The following ROCK1 variants were observed in gnomAD, a reference collection of about 807,000 sequenced individuals.
ROCK1 encodes the protein rho-associated protein kinase 1.
In ROCK1, 36 loss-of-function variants were observed where a neutral mutation model predicts 196.8. The observed-to-expected ratio is 0.18, with a 90% confidence interval of 0.14 to 0.24. The LOEUF (loss-of-function observed/expected upper bound fraction) is 0.24. Ranked by LOEUF, ROCK1 falls within the 10% of genes least tolerant of loss-of-function variation. The pLI, the probability that ROCK1 is intolerant of heterozygous loss-of-function variation, is 1.00. For synonymous variants in ROCK1, 443 were observed against 515.9 expected, an observed-to-expected ratio of 0.86 and a Z score of 1.91; for missense variants, 920 against 1,562.0, an observed-to-expected ratio of 0.59 and a Z score of 6.93.
intron 10 of ROCK1, among the ~76,000 whole-genome samples, chr18:21,028,039 G>A (rs1387692621): frequency 6.7e-6 from 1 of 148,550 alleles, no homozygotes; most frequent in East Asian, 2.0e-4. Flanking sequence ...GGGATTACAG[G>A]CGTGAGCCAC....
Position 21,110,970 on chromosome 18 carries a change from C to G in ROCK1, c.-60G>C. On this transcript the variant is annotated 5_prime_UTR_variant, in exon 1 of 33. Transcript: ENST00000399799. Reference sequence around the variant, plus strand: ...ACCAGCAGCGGAAAGCAATTTCAACCAACTTCCTCCGCGGTGGGTTCGCAG... The same window carrying G: ...ACCAGCAGCGGAAAGCAATTTCAACGAACTTCCTCCGCGGTGGGTTCGCAG... 1 of 1,414,138 alleles carries G rather than the reference C, an allele frequency of 7.1e-7. No homozygotes were observed. The highest frequency in any genetic ancestry group is 1.0e-6 in the Non-Finnish European group (1 of 1,000,990). 87.6% of individuals were successfully genotyped at this position (1,414,138 alleles called of 1,614,324 possible).
At chr18:21,025,326 T>C (rs955512831) in intron 10 of ROCK1, among the ~76,000 whole-genome samples, 1 of 152,224 alleles carries the variant, frequency 6.6e-6, no homozygotes, top group Non-Finnish European at 1.5e-5. Context: ...CCCTTGGTAT[T>C]AAAAGTATAT....
At chr18:20,970,218 G>T in intron 23 of ROCK1, 130 bp downstream of exon 23, 1 of 621,762 alleles carries the variant, frequency 1.6e-6, no homozygotes, top group Non-Finnish European at 2.7e-6. Context: ...TTATACATGA[G>T]TACAGAATGA....
At chr18:21,019,014 A>C (rs1244085466) in intron 12 of ROCK1, among the ~76,000 whole-genome samples, 1 of 152,220 alleles carries the variant, frequency 6.6e-6, no homozygotes, top group Non-Finnish European at 1.5e-5. Flanking sequence ...AATTAGACCC[A>C]CAGAAAAAGA....
chr18:21,077,128 C>T (rs1259679301), intron 1 of ROCK1, among the ~76,000 whole-genome samples: 6 of 151,754 alleles, frequency 4.0e-5, no homozygotes, highest in East Asian at 1.9e-4. Context: ...CGCCCACCAC[C>T]GCGCCCGGCT....
At chr18:21,021,539 A>G (rs953681357) in intron 11 of ROCK1, among the ~76,000 whole-genome samples, 1 of 152,248 alleles carries the variant, frequency 6.6e-6, no homozygotes, top group African/African-American at 2.4e-5. Context: ...TGTCAAATAC[A>G]GCAAAGAAGA....
chr18:21,100,058 C>T (rs188234137), intron 1 of ROCK1, among the ~76,000 whole-genome samples: 84 of 151,010 alleles, frequency 5.6e-4, no homozygotes, highest in South Asian at 4.0e-3. Context: ...AAAACCCAAA[C>T]CAACCAAAAA....
chr18:21,079,014 T>C (rs1015266427), intron 1 of ROCK1, among the ~76,000 whole-genome samples: 5 of 152,178 alleles, frequency 3.3e-5, no homozygotes, highest in African/African-American at 1.2e-4. Flanking sequence ...GTGTGCTTTA[T>C]TAGTGCCCCT....
At chr18:21,049,933 CACT>C in intron 2 of ROCK1, 53 bp from the exon 3 acceptor site, 1 of 885,960 alleles carries the variant, frequency 1.1e-6, no homozygotes. Context: ...TTACAACTAG[CACT>C]ACTTATTTTA....
rs2035293653 is a variant in ROCK1, at chr18:20,959,109, A to ATATTT, written c.3512+730_3512+731insAAATA. The stretch of plus-strand genomic sequence containing the variant: ...ATTTTATATAATATATATATTATAT[A>ATATTT]TATATTATATAATATATATATTATA... On this transcript the variant is annotated intron_variant, in intron 29 of 32. Coordinates refer to ENST00000399799, the MANE Select transcript of ROCK1 (RefSeq NM_005406.3). Among the ~76,000 whole-genome samples, 29 of 51,364 alleles carry ATATTT rather than the reference A, an allele frequency of 5.6e-4. 2 individuals carry two copies. Among genetic ancestry groups the ATATTT allele is most frequent in the African/African-American group, 3.6e-3 (29 of 8,138 alleles). 33.7% of individuals were successfully genotyped at this position (51,364 alleles called of 152,430 possible).
intron 12 of ROCK1, among the ~76,000 whole-genome samples, chr18:21,018,849 T>C (rs1332169916): frequency 2.0e-5 from 3 of 152,190 alleles, no homozygotes; most frequent in South Asian, 4.1e-4. Context: ...TTGCATTTCA[T>C]TTATTCAATA....
In ROCK1 at chr18:21,049,894, A is replaced by G. The variant is rs1214147389; in HGVS notation, c.176-14T>C. ...TTGTGTCTTTATCTGTATGAAAAGA[A>G]AAGTTTATCATTTTAAATCACTAAA... On this transcript the variant is annotated splice_polypyrimidine_tract_variant and intron_variant, in intron 2 of 32. Transcript: ENST00000399799. 1 of 1,447,780 alleles carries G rather than the reference A, an allele frequency of 6.9e-7. No individual in the cohort carries two copies. 89.7% of individuals were successfully genotyped at this position (1,447,780 alleles called of 1,614,324 possible). A position where few individuals can be genotyped will look rare whatever the true frequency, so the allele number is the denominator to read the frequency against.
chr18:20,984,514 G>T lies in ROCK1; in HGVS notation c.2326C>A (p.Leu776Met), dbSNP rs1407435457. The T allele has an allele frequency of 6.2e-7, 1 of 1,611,554 alleles. No homozygotes were observed. Among genetic ancestry groups the T allele is most frequent in the Non-Finnish European group, 8.5e-7 (1 of 1,179,416 alleles). ...EDEVKNLTLQ[L>M]EQESNKRLLL... is the part of the protein sequence containing the mutation. ...AGCCGCTTATTTGATTCCTGCTCCA[G>T]TTGCAGGGTTAGATTCTTAACCTAT... The change falls in exon 20 of 33, where the codon CTG (leucine) becomes ATG (methionine). Residue 776 changes from leucine (L) to methionine (M), a missense_variant. Physicochemically the swap from Leu to Met is conservative, Grantham distance 15. Around this residue, in one of 6 missense-constraint regions of ROCK1, gnomAD observed 520 missense variants for 657.1 expected, o/e 0.79. Transcript: ENST00000399799.
intron 11 of ROCK1, among the ~76,000 whole-genome samples, chr18:21,022,682 G>C (rs150036806): frequency 3.1e-4 from 47 of 152,212 alleles, no homozygotes; most frequent in African/African-American, 1.1e-3. Flanking sequence ...TCTGAGCTAC[G>C]ATAAGATTTT....
At chr18:21,003,552 A>C (rs577391658) in intron 16 of ROCK1, among the ~76,000 whole-genome samples, 1 of 152,316 alleles carries the variant, frequency 6.6e-6, no homozygotes, top group Admixed American at 6.5e-5. Flanking sequence ...ATATTTACAA[A>C]TTAGGATGTA....
At chr18:20,959,463 C>T (rs1166461745) in intron 29 of ROCK1, among the ~76,000 whole-genome samples, 2 of 151,206 alleles carry the variant, frequency 1.3e-5, no homozygotes, top group African/African-American at 2.4e-5. Context: ...CCACCTGCCT[C>T]GACCTCCCAA....
At chr18:21,044,497 T>C (rs1248403779) in intron 5 of ROCK1, among the ~76,000 whole-genome samples, 1 of 152,052 alleles carries the variant, frequency 6.6e-6, no homozygotes, top group African/African-American at 2.4e-5. Context: ...TGAAACATAT[T>C]AGATAGGTAA....
intron 9 of ROCK1, among the ~76,000 whole-genome samples, chr18:21,038,780 G>A (rs950290869): frequency 6.6e-6 from 1 of 152,178 alleles, no homozygotes; most frequent in African/African-American, 2.4e-5. Context: ...GATGTCAGCA[G>A]GGGAAAGATG....
intron 2 of ROCK1, 112 bp downstream of exon 2, chr18:21,070,420 C>T (rs2036373995): frequency 1.7e-6 from 1 of 594,728 alleles, no homozygotes; most frequent in South Asian, 2.9e-5. Flanking sequence ...ATGTAGAAAT[C>T]ATTGATGAAA....
Sources: gnomAD v4.1 joint callset for allele counts (sites outside exome capture counted in the v4.1 genomes callset) on GRCh38, gnomAD v4.1.1 for gene constraint, gnomAD v4.1.1 regional missense constraint, MANE v1.5 for transcripts, NCBI Gene and HGNC (gene_info 2026-07-23, HGNC 2026-07-21) for gene names.